The following DLG2 variants were observed in gnomAD, a reference collection of about 807,000 sequenced individuals.
The protein encoded by DLG2 is discs large MAGUK scaffold protein 2.
DLG2 carries 45 observed loss-of-function variants against 132.5 expected under a neutral mutation model. The observed-to-expected ratio is 0.34, with a 90% confidence interval of 0.27 to 0.44. DLG2 has a LOEUF of 0.44. Ranked by LOEUF, DLG2 falls within the 20% of genes least tolerant of loss-of-function variation. The probability of loss-of-function intolerance (pLI) is 1.00; values close to 1 mark genes in which losing one functional copy is unlikely to be tolerated. For synonymous variants in DLG2, 424 were observed against 419.6 expected (o/e 1.01, Z -0.13); for missense variants, 1,045 against 1,196.9 (o/e 0.87, Z 1.87).
intron 8 of DLG2, among the ~76,000 whole-genome samples, chr11:84,187,608 T>C (rs1465204547): frequency 6.6e-6 from 1 of 151,996 alleles, no homozygotes; most frequent in Non-Finnish European, 1.5e-5. Flanking sequence ...TATGTCTACC[T>C]CCAAGAAAAA....
At chr11:83,608,768 T>C (rs992746149) in intron 19 of DLG2, among the ~76,000 whole-genome samples, 3 of 151,522 alleles carry the variant, frequency 2.0e-5, no homozygotes, top group Non-Finnish European at 4.4e-5. Flanking sequence ...AGAGAGATCC[T>C]TCAGATACTA....
chr11:83,497,885 CCCTTT>C (rs1239786825), intron 21 of DLG2, among the ~76,000 whole-genome samples: 2 of 151,728 alleles, frequency 1.3e-5, no homozygotes, highest in African/African-American at 4.8e-5. Context: ...AACCTTTACT[CCCTTT>C]CCTAACTAAA....
At chr11:83,890,286 C>T (rs1228694565) in intron 15 of DLG2, among the ~76,000 whole-genome samples, 1 of 152,008 alleles carries the variant, frequency 6.6e-6, no homozygotes, top group African/African-American at 2.4e-5. Flanking sequence ...CAGAATAACA[C>T]ACTCTGATTT....
At chr11:85,174,630 G>A (rs1256724369) in intron 4 of DLG2, among the ~76,000 whole-genome samples, 2 of 152,064 alleles carry the variant, frequency 1.3e-5, no homozygotes, top group Non-Finnish European at 2.9e-5. Flanking sequence ...TGGAACTAAG[G>A]AGACAGAGAC....
intron 4 of DLG2, among the ~76,000 whole-genome samples, chr11:85,239,631 T>C (rs946091681): frequency 2.6e-5 from 4 of 151,992 alleles, no homozygotes; most frequent in Non-Finnish European, 5.9e-5. Context: ...AATATAGTGG[T>C]TTTGACTTTA....
intron 3 of DLG2, among the ~76,000 whole-genome samples, chr11:85,354,638 G>C (rs1192779672): frequency 2.6e-5 from 4 of 151,222 alleles, no homozygotes; most frequent in African/African-American, 9.7e-5. Context: ...CTTGATCTTT[G>C]GTTTAGTACT....
intron 15 of DLG2, among the ~76,000 whole-genome samples, chr11:83,908,876 G>T (rs1045937015): frequency 2.6e-5 from 4 of 152,106 alleles, no homozygotes; most frequent in African/African-American, 9.7e-5. Flanking sequence ...TAGGACTATA[G>T]GCCTGTGCCA....
chr11:84,889,754 T>C (rs1388077266), intron 6 of DLG2, among the ~76,000 whole-genome samples: 2 of 152,212 alleles, frequency 1.3e-5, no homozygotes, highest in Admixed American at 6.5e-5. Flanking sequence ...TTACCCATCA[T>C]GCTGAGGGTT....
intron 11 of DLG2, among the ~76,000 whole-genome samples, chr11:84,002,240 G>A (rs1410511521): frequency 6.6e-6 from 1 of 152,164 alleles, no homozygotes; most frequent in Non-Finnish European, 1.5e-5. Context: ...ATTGATACAT[G>A]CATTAGTCTG....
chr11:85,275,389 T>C (rs898020432), intron 4 of DLG2, among the ~76,000 whole-genome samples: 2 of 152,212 alleles, frequency 1.3e-5, no homozygotes, highest in Non-Finnish European at 2.9e-5. Context: ...ATTATTCATA[T>C]GCTAGACCTT....
chr11:85,424,561 A>C (rs1004962198), intron 3 of DLG2, among the ~76,000 whole-genome samples: 2 of 152,180 alleles, frequency 1.3e-5, no homozygotes, highest in South Asian at 4.1e-4. Context: ...ACCAGTTTGC[A>C]TTAGGTTTTT....
intron 14 of DLG2, among the ~76,000 whole-genome samples, chr11:83,952,259 T>C (rs1388002532): frequency 5.9e-5 from 9 of 151,962 alleles, no homozygotes; most frequent in Non-Finnish European, 8.8e-5. Context: ...GGTGGAAGAA[T>C]TGCTTGAGCC....
At position 84,373,270 on chromosome 11, in the gene DLG2, C is replaced by CAAAACAAAAAA. The variant is rs2098715917; in HGVS notation, c.520-121980_520-121979insTTTTTTGTTTT. On this transcript the variant is annotated intron_variant, in intron 7 of 27. Coordinates refer to ENST00000376104, the MANE Select transcript of DLG2 (RefSeq NM_001142699.3). ...CAGTCAAAAAAAAAAAAAAACAAAA[C>CAAAACAAAAAA]AAAAAAAAAACCCACCAGGCCCGGC... is the stretch of plus-strand genomic sequence containing the variant. Among the ~76,000 whole-genome samples the CAAAACAAAAAA allele has an allele frequency of 3.3e-4, 15 of 45,168 alleles. No individual in the cohort carries two copies. The South Asian group carries it at 0.01, about 31-fold the overall frequency. The allele number at this position is 45,168 out of a possible 152,430, so 29.6% of individuals were successfully genotyped here. A position where few individuals can be genotyped will look rare whatever the true frequency, so the allele number is the denominator to read the frequency against.
intron 7 of DLG2, among the ~76,000 whole-genome samples, chr11:84,516,954 G>C (rs1251197240): frequency 7.1e-6 from 1 of 140,970 alleles, no homozygotes; most frequent in Non-Finnish European, 1.5e-5. Flanking sequence ...AAACCTAGGG[G>C]AAAAGATTCG....
chr11:85,289,059 GTTCTAA>G (rs140134404), intron 3 of DLG2, among the ~76,000 whole-genome samples: 6,462 of 152,090 alleles, frequency 0.042, 170 homozygotes, highest in East Asian at 0.093. Context: ...GTGAAGAAGT[GTTCTAA>G]TTCTATTTCA....
At chr11:85,236,963 T>A (rs577536567) in intron 4 of DLG2, among the ~76,000 whole-genome samples, 1 of 152,148 alleles carries the variant, frequency 6.6e-6, no homozygotes, top group Admixed American at 6.6e-5. Flanking sequence ...CAGCAGAAAC[T>A]CATGTTTTAA....
chr11:85,173,610 C>A (rs2079024575), intron 4 of DLG2, among the ~76,000 whole-genome samples: 1 of 152,100 alleles, frequency 6.6e-6, no homozygotes, highest in Non-Finnish European at 1.5e-5. Context: ...ATAACAGGAT[C>A]AAATTCACAC....
intron 15 of DLG2, among the ~76,000 whole-genome samples, chr11:83,898,087 T>C (rs974050585): frequency 1.3e-5 from 2 of 152,138 alleles, no homozygotes; most frequent in East Asian, 1.9e-4. Context: ...CTTTGGGGAA[T>C]TGACTGACTG....
intron 3 of DLG2, among the ~76,000 whole-genome samples, chr11:85,439,187 C>T (rs1045309898): frequency 5.3e-5 from 8 of 152,042 alleles, no homozygotes; most frequent in African/African-American, 4.8e-5. Flanking sequence ...TTGCATGTTT[C>T]GTTTTATAAG....
Sources: gnomAD v4.1 joint callset for allele counts (sites outside exome capture counted in the v4.1 genomes callset) on GRCh38, gnomAD v4.1.1 for gene constraint, MANE v1.5 for transcripts, NCBI Gene and HGNC (gene_info 2026-07-23, HGNC 2026-07-21) for gene names.